Variants in RIMBP2 observed in about 807,000 individuals in gnomAD.
RIMBP2 encodes the protein RIMS-binding protein 2.
In RIMBP2, 48 loss-of-function variants were observed where a neutral mutation model predicts 118.6. That is an observed-to-expected ratio of 0.40 (90% CI 0.32 to 0.51). The LOEUF (loss-of-function observed/expected upper bound fraction) is 0.51. Ranked by LOEUF, RIMBP2 falls within the 20% of genes least tolerant of loss-of-function variation. The probability of loss-of-function intolerance (pLI) is 0.41; values close to 1 mark genes in which losing one functional copy is unlikely to be tolerated. For missense variants in RIMBP2, 1,551 were observed against 1,768.3 expected, an observed-to-expected ratio of 0.88 and a Z score of 2.20; for synonymous variants, 762 against 742.9, an observed-to-expected ratio of 1.03 and a Z score of -0.42.
intron 1 of RIMBP2, among the ~76,000 whole-genome samples, chr12:130,713,612 G>T (rs12371154): frequency 2.0e-5 from 3 of 152,076 alleles, no homozygotes. Flanking sequence ...CAGCCGATCC[G>T]GTTCTCCCCC....
chr12:130,519,517 G>A (rs2051850515), intron 2 of RIMBP2, among the ~76,000 whole-genome samples: 1 of 152,214 alleles, frequency 6.6e-6, no homozygotes, highest in African/African-American at 2.4e-5. Context: ...ATTTATTGTT[G>A]CCTTTCTCAA....
rs1012784724 is a variant in RIMBP2, at chr12:130,621,046, A to G, written c.-217+7276T>C. On this transcript the variant is annotated intron_variant, in intron 2 of 22. Coordinates refer to ENST00000690449, the MANE Select transcript of RIMBP2 (RefSeq NM_001393629.1). This position sits in a 1 kb window ranked among gnomAD's most constrained non-coding sequence, Gnocchi z 6.6. ...TGAATGGGGAGGCCTGAAAATATGC[A>G]CACACCTCTGTAAGGAGATGGAGTC... 6.6e-6 allele frequency among the ~76,000 whole-genome samples: 1 copy of G among 152,130 alleles called. No homozygotes were observed. Among genetic ancestry groups the G allele is most frequent in the African/African-American group, 2.4e-5 (1 of 41,432 alleles).
At chr12:130,440,144 G>A (rs1224107624) in intron 11 of RIMBP2, among the ~76,000 whole-genome samples, 2 of 115,956 alleles carry the variant, frequency 1.7e-5, no homozygotes, top group African/African-American at 6.8e-5. Flanking sequence ...CACCGTCCCC[G>A]GGCATGGCTA....
chr12:130,461,311 G>C (rs1395407181), intron 6 of RIMBP2, among the ~76,000 whole-genome samples: 1 of 152,186 alleles, frequency 6.6e-6, no homozygotes, highest in African/African-American at 2.4e-5. Context: ...TGTGGACACA[G>C]TCCTGCACGC....
At chr12:130,500,415 G>A (rs60921151) in intron 4 of RIMBP2, among the ~76,000 whole-genome samples, 20,018 of 152,168 alleles carry the variant, frequency 0.13, 1,424 homozygotes, top group Middle Eastern at 0.22. Context: ...CCCAGATCAC[G>A]CCACTGCACT....
intron 2 of RIMBP2, among the ~76,000 whole-genome samples, chr12:130,573,415 T>TGTGAGTGTGTGC (rs2057842035): frequency 6.6e-6 from 1 of 151,736 alleles, no homozygotes; most frequent in Non-Finnish European, 1.5e-5. Context: ...ACTGTGTGCG[T>TGTGAGTGTGTGC]GTGAGTGTGT....
intron 1 of RIMBP2, among the ~76,000 whole-genome samples, chr12:130,698,912 T>G (rs2065702505): frequency 1.3e-5 from 2 of 151,774 alleles, no homozygotes. Context: ...CATCAAAAAG[T>G]GGGTGAAGGA....
intron 12 of RIMBP2, 33 bp downstream of exon 12, chr12:130,438,332 C>G: frequency 2.1e-6 from 3 of 1,441,452 alleles, no homozygotes; most frequent in Non-Finnish European, 2.9e-6. Context: ...TAGGGCCTAA[C>G]AAACCCTCCC....
At chr12:130,646,397 A>C (rs1328772306) in intron 1 of RIMBP2, among the ~76,000 whole-genome samples, 1 of 131,484 alleles carries the variant, frequency 7.6e-6, no homozygotes, top group African/African-American at 2.8e-5. Flanking sequence ...CTCCCTCACC[A>C]CCTGCCTCTC....
chr12:130,584,892 T>C lies in RIMBP2; in HGVS notation c.-217+43430A>G, dbSNP rs2058782006. On this transcript the variant is annotated intron_variant, in intron 2 of 22. Coordinates refer to ENST00000690449, the MANE Select transcript of RIMBP2 (RefSeq NM_001393629.1). Reference sequence around the variant, plus strand: ...ATTATATTTTTATTTATTAAAGTTGTTCCATTCTTTTTTTTTGAGACAGAG... The same window carrying C: ...ATTATATTTTTATTTATTAAAGTTGCTCCATTCTTTTTTTTTGAGACAGAG... 2.0e-5 allele frequency among the ~76,000 whole-genome samples: 3 copies of C among 152,178 alleles called. No individual in the cohort carries two copies. The South Asian group carries it at 6.2e-4, about 32-fold the overall frequency.
intron 1 of RIMBP2, among the ~76,000 whole-genome samples, chr12:130,638,006 A>G (rs2062429033): frequency 6.6e-6 from 1 of 152,136 alleles, no homozygotes; most frequent in Admixed American, 6.6e-5. Flanking sequence ...TGTCCTCTGA[A>G]CCCAGCCCCA....
chr12:130,704,458 C>T (rs1212634448), intron 1 of RIMBP2, among the ~76,000 whole-genome samples: 3 of 151,980 alleles, frequency 2.0e-5, no homozygotes, highest in Admixed American at 6.6e-5. Flanking sequence ...ACCTGTAATC[C>T]CAGCTACTTT....
In RIMBP2 at chr12:130,646,107, C is replaced by T. The variant is rs1053970956; in HGVS notation, c.-351-17651G>A. 6.5e-3 allele frequency among the ~76,000 whole-genome samples: 861 copies of T among 132,518 alleles called. 23 individuals carry two copies. Among genetic ancestry groups the T allele is most frequent in the African/African-American group, 0.012 (448 of 36,332 alleles). 86.9% of individuals were successfully genotyped at this position (132,518 alleles called of 152,430 possible). A position where few individuals can be genotyped will look rare whatever the true frequency, so the allele number is the denominator to read the frequency against. On this transcript the variant is annotated intron_variant, in intron 1 of 22. Transcript: ENST00000690449. ...ACCACTTCCCTCTCCACCTCCCTCT[C>T]CACCTCCCTCACCACCTGCCTCTCC...
chr12:130,397,465 C>T lies in RIMBP2; in HGVS notation c.3985G>A (p.Gly1329Ser). ...LHSGSPTSSM[G>S]SGSPGRGREM... is the part of the protein sequence containing the mutation. ...CTGCCTCTCCCAGGACTACCAGAAC[C>T]CATAGATGACGTAGGTGACCCCGAA... Residue 1329 changes from glycine (G) to serine (S), a missense_variant, in exon 23 of 23, where the codon GGT (glycine) becomes AGT (serine). Around this residue, in one of 5 missense-constraint regions of RIMBP2, gnomAD observed 1,038 missense variants for 1,125.1 expected, o/e 0.92. Coordinates refer to ENST00000690449, the MANE Select transcript of RIMBP2 (RefSeq NM_001393629.1). 1 of 398,998 alleles carries T rather than the reference C, an allele frequency of 2.5e-6. No individual in the cohort carries two copies. The allele number at this position is 398,998 out of a possible 1,614,324, so 24.7% of individuals were successfully genotyped here. A position where few individuals can be genotyped will look rare whatever the true frequency, so the allele number is the denominator to read the frequency against.
Position 130,428,635 on chromosome 12 carries a change from G to T in RIMBP2, c.2254-298C>A, listed in dbSNP as rs550749078. 8 of 256,072 alleles carry T rather than the reference G, an allele frequency of 3.1e-5. No homozygotes were observed. In the East Asian group the frequency reaches 5.4e-4, roughly 17 times the overall value. 15.9% of individuals were successfully genotyped at this position (256,072 alleles called of 1,614,324 possible). Reference sequence around the variant, plus strand: ...CCCACTGGGGCTTACAAGACACGCGGGCAGAATGTCCATTTCTGGGCACCC... The same window carrying T: ...CCCACTGGGGCTTACAAGACACGCGTGCAGAATGTCCATTTCTGGGCACCC... On this transcript the variant is annotated intron_variant, in intron 14 of 22. Coordinates refer to ENST00000690449, the MANE Select transcript of RIMBP2 (RefSeq NM_001393629.1).
intron 14 of RIMBP2, among the ~76,000 whole-genome samples, chr12:130,433,076 C>A (rs868071923): frequency 1.4e-5 from 2 of 141,640 alleles, no homozygotes; most frequent in South Asian, 2.1e-4. Flanking sequence ...GAACAACAGG[C>A]GCTATGGGAC....
chr12:130,707,808 G>A (rs936214873), intron 1 of RIMBP2, among the ~76,000 whole-genome samples: 1 of 152,188 alleles, frequency 6.6e-6, no homozygotes, highest in Admixed American at 6.5e-5. Flanking sequence ...GAATCAGGAT[G>A]TGAAGGGAAA....
At chr12:130,682,523 C>T (rs1213592352) in intron 1 of RIMBP2, among the ~76,000 whole-genome samples, 11 of 152,242 alleles carry the variant, frequency 7.2e-5, no homozygotes, top group African/African-American at 2.4e-4. Context: ...AAATCATGCA[C>T]GGCGCACCAG....
At chr12:130,441,414 A>AATAATC (rs1555251184) in intron 11 of RIMBP2, among the ~76,000 whole-genome samples, 1 of 75,720 alleles carries the variant, frequency 1.3e-5, no homozygotes, top group Non-Finnish European at 3.2e-5. Context: ...TAATAATAAT[A>AATAATC]ATAATAATAA....
Sources: allele counts gnomAD v4.1 joint callset (sites outside exome capture counted in the v4.1 genomes callset), GRCh38; gene constraint gnomAD v4.1.1; regional missense constraint gnomAD v4.1.1; non-coding constraint Gnocchi (gnomAD v3.1); transcripts MANE v1.5; gene names NCBI Gene and HGNC (gene_info 2026-07-23, HGNC 2026-07-21).